The following ELAPOR2 variants were observed in gnomAD, a reference collection of about 807,000 sequenced individuals.
ELAPOR2 encodes the protein endosome-lysosome associated apoptosis and autophagy regulator family member 2.
A neutral mutation model predicts 120.7 loss-of-function variants in ELAPOR2; 89 were observed. The observed-to-expected ratio is 0.74, with a 90% CI of 0.62 to 0.88. The LOEUF is 0.88. ELAPOR2 is among the 40% of genes least tolerant of loss of function. ELAPOR2 has a pLI of 0.00. For synonymous variants in ELAPOR2, 444 were observed against 444.9 expected (o/e 1.00, Z 0.03); for missense variants, 1,134 against 1,251.6 (o/e 0.91, Z 1.42).
rs959557760 is a variant in ELAPOR2 at position 86,912,982 on chromosome 7, C to G, written c.1954G>C (p.Glu652Gln). ...CCAGGCCCGCATGGAATACAAGCCTCTTTGCCATAGACCTGATGTATGGAC... is the reference window on the plus strand; with the variant it reads ...CCAGGCCCGCATGGAATACAAGCCTGTTTGCCATAGACCTGATGTATGGAC... ...YLSIHQVYGK[E>Q]ACIPCGPGSK... is the part of the protein sequence containing the mutation. The change falls in exon 14 of 22, where the codon GAG becomes CAG. Residue 652 changes from glutamate to glutamine, a missense_variant. Glu to Gln is a conservative substitution (Grantham distance 29, BLOSUM62 2). This residue lies in a region of ELAPOR2 where 831 missense variants were observed against 867.6 expected (regional missense o/e 0.96). Coordinates refer to ENST00000450689, the MANE Select transcript of ELAPOR2 (RefSeq NM_001142749.3). 6.2e-7 allele frequency: 1 copy of G among 1,614,046 alleles called. No individual in the cohort carries two copies. The highest frequency in any genetic ancestry group is 1.3e-5 in the African/African-American group (1 of 75,048).
intron 1 of ELAPOR2, among the ~76,000 whole-genome samples, chr7:87,056,941 ACTC>A (rs1795283852): frequency 1.3e-5 from 2 of 152,106 alleles, no homozygotes; most frequent in Admixed American, 6.6e-5. Flanking sequence ...CTTTTTCTAT[ACTC>A]CTCAACATTC....
chr7:87,034,593 A>G (rs907417665), intron 1 of ELAPOR2, among the ~76,000 whole-genome samples: 6 of 152,020 alleles, frequency 3.9e-5, no homozygotes, highest in African/African-American at 1.4e-4. Context: ...TTTAAGCATC[A>G]ATTATTATTT....
At chr7:86,899,586 G>A (rs1788620225) in intron 18 of ELAPOR2, among the ~76,000 whole-genome samples, 1 of 152,018 alleles carries the variant, frequency 6.6e-6, no homozygotes, top group South Asian at 2.1e-4. Flanking sequence ...ATTTCATACT[G>A]TTAGTTAACT....
At chr7:86,919,979 AAG>A (rs1319566937) in intron 10 of ELAPOR2, among the ~76,000 whole-genome samples, 1 of 152,128 alleles carries the variant, frequency 6.6e-6, no homozygotes, top group Admixed American at 6.6e-5. Flanking sequence ...TAAAATGAGG[AAG>A]AGAGAGGCCT....
At chr7:86,909,160 T>C (rs924605257) in intron 16 of ELAPOR2, among the ~76,000 whole-genome samples, 1 of 152,092 alleles carries the variant, frequency 6.6e-6, no homozygotes, top group East Asian at 1.9e-4. Flanking sequence ...GTGCTGAAAG[T>C]CAATGCTAAA....
At chr7:86,993,033 C>A (rs1052686063) in intron 1 of ELAPOR2, among the ~76,000 whole-genome samples, 42 of 151,962 alleles carry the variant, frequency 2.8e-4, no homozygotes, top group Non-Finnish European at 2.8e-4. Context: ...GTCAAGAGAT[C>A]AAGACCATCC....
chr7:86,933,124 T>A (rs1790403702), intron 8 of ELAPOR2, among the ~76,000 whole-genome samples: 1 of 151,604 alleles, frequency 6.6e-6, no homozygotes. Flanking sequence ...TATATAAATA[T>A]ATCAAATATA....
chr7:86,978,695 A>C (rs1792360527), intron 1 of ELAPOR2, among the ~76,000 whole-genome samples: 1 of 152,190 alleles, frequency 6.6e-6, no homozygotes, highest in Non-Finnish European at 1.5e-5. Context: ...AAGGGCACTC[A>C]GTGTCTCTGA....
At chr7:87,058,023 A>G (rs1036853716) in intron 1 of ELAPOR2, among the ~76,000 whole-genome samples, 1 of 152,240 alleles carries the variant, frequency 6.6e-6, no homozygotes, top group Non-Finnish European at 1.5e-5. Flanking sequence ...TAAGCTCATT[A>G]TACTAAAAAG....
In ELAPOR2 at chr7:86,905,059, GAC is replaced by G. The variant is rs1250020723; in HGVS notation, c.2558+2609_2558+2610del. Among the ~76,000 whole-genome samples the G allele has an allele frequency of 2.0e-4, 29 of 142,004 alleles. 1 individual carries two copies. The highest frequency in any genetic ancestry group is 9.1e-5 in the Non-Finnish European group (6 of 66,204). 93.2% of individuals were successfully genotyped at this position (142,004 alleles called of 152,430 possible). On this transcript the variant is annotated intron_variant, in intron 18 of 21. Coordinates refer to ENST00000450689, the MANE Select transcript of ELAPOR2 (RefSeq NM_001142749.3). ...GATGAATGAATGAATGAATGAGAAA[GAC>G]AGAGAGAGAGAAGGAAGGAAGGAAG...
At chr7:87,011,867 TC>T (rs1168916563) in intron 1 of ELAPOR2, among the ~76,000 whole-genome samples, 1 of 152,200 alleles carries the variant, frequency 6.6e-6, no homozygotes, top group Admixed American at 6.5e-5. Context: ...ATTATATACT[TC>T]TGAATAGAAA....
chr7:86,888,345 A>C (rs959563594), intron 21 of ELAPOR2, among the ~76,000 whole-genome samples: 3 of 152,132 alleles, frequency 2.0e-5, no homozygotes, highest in Non-Finnish European at 2.9e-5. Context: ...AGAGACAACA[A>C]CACAGTCTGA....
intron 21 of ELAPOR2, among the ~76,000 whole-genome samples, chr7:86,886,037 A>C (rs1199937448): frequency 1.3e-5 from 2 of 152,088 alleles, no homozygotes; most frequent in African/African-American, 2.4e-5. Flanking sequence ...CAGTCACTAT[A>C]TAAATTAGGT....
At chr7:86,899,380 T>C (rs1463781065) in intron 18 of ELAPOR2, among the ~76,000 whole-genome samples, 1 of 152,114 alleles carries the variant, frequency 6.6e-6, no homozygotes, top group Non-Finnish European at 1.5e-5. Context: ...CACATAAATA[T>C]AGGCTTTGCC....
chr7:86,919,138 T>A, intron 11 of ELAPOR2, 82 bp downstream of exon 11: 1 of 935,486 alleles, frequency 1.1e-6, no homozygotes, highest in Non-Finnish European at 1.7e-6. Flanking sequence ...ATATGTTCCA[T>A]AAAGTAGCCC....
chr7:86,966,690 C>T lies in ELAPOR2; in HGVS notation c.190-1666G>A, dbSNP rs1791917414. The stretch of plus-strand genomic sequence containing the variant: ...TTAGCAGAAACTTAGCAACTTAAAA[C>T]AACAGAAATATATTCTCTCACAGTT... On this transcript the variant is annotated intron_variant, in intron 1 of 21. Transcript: ENST00000450689. Among the ~76,000 whole-genome samples the T allele has an allele frequency of 5.3e-5, 8 of 152,308 alleles. No individual in the cohort carries two copies. The South Asian group carries it at 1.7e-3, about 32-fold the overall frequency.
intron 1 of ELAPOR2, among the ~76,000 whole-genome samples, chr7:87,018,143 C>T (rs1053260670): frequency 4.6e-5 from 7 of 151,968 alleles, no homozygotes; most frequent in South Asian, 2.1e-4. Flanking sequence ...CAGGTTTAAA[C>T]GATTCTCCTG....
intron 1 of ELAPOR2, among the ~76,000 whole-genome samples, chr7:87,017,965 G>A (rs1348865858): frequency 6.6e-6 from 1 of 152,026 alleles, no homozygotes; most frequent in Non-Finnish European, 1.5e-5. Context: ...ATTAATAATT[G>A]TCATTAACAT....
Position 86,881,358 on chromosome 7 carries a change from T to C in ELAPOR2, c.3031-828A>G, listed in dbSNP as rs1259053848. Among the ~76,000 whole-genome samples, 13 of 123,368 alleles carry C rather than the reference T, an allele frequency of 1.1e-4. No homozygotes were observed. The East Asian group carries it at 1.9e-3, about 18-fold the overall frequency. 80.9% of individuals were successfully genotyped at this position (123,368 alleles called of 152,430 possible). A position where few individuals can be genotyped will look rare whatever the true frequency, so the allele number is the denominator to read the frequency against. Reference sequence around the variant, plus strand: ...ACCTCAGATGCGAGCAAGCACGCCCTTTTTTTTTTTTTTTTGAGTCAGAGT... The same window carrying C: ...ACCTCAGATGCGAGCAAGCACGCCCCTTTTTTTTTTTTTTTGAGTCAGAGT... On this transcript the variant is annotated intron_variant, in intron 21 of 21. Coordinates refer to ENST00000450689, the MANE Select transcript of ELAPOR2 (RefSeq NM_001142749.3).
Sources: allele counts gnomAD v4.1 joint callset (sites outside exome capture counted in the v4.1 genomes callset), GRCh38; gene constraint gnomAD v4.1.1; regional missense constraint gnomAD v4.1.1; transcripts MANE v1.5; gene names NCBI Gene and HGNC (gene_info 2026-07-23, HGNC 2026-07-21).